PDE11A: variants seen among roughly 807,000 people sequenced by gnomAD.
PDE11A encodes the protein dual 3',5'-cyclic-AMP and -GMP phosphodiesterase 11A.
PDE11A carries 100 observed loss-of-function variants against 100.5 expected under a neutral mutation model. The observed-to-expected ratio is 1.00, with a 90% CI of 0.85 to 1.18. The LOEUF is 1.18. Among genes scored for constraint, PDE11A ranks in the 50% most tolerant of loss-of-function variants. PDE11A has a pLI of 0.00. For missense variants in PDE11A, 1,141 were observed against 1,152.6 expected, an observed-to-expected ratio of 0.99 and a Z score of 0.15; for synonymous variants, 381 against 420.8, an observed-to-expected ratio of 0.91 and a Z score of 1.16.
intron 1 of PDE11A, among the ~76,000 whole-genome samples, chr2:178,046,262 A>C (rs1205895490): frequency 1.3e-5 from 2 of 152,306 alleles, no homozygotes; most frequent in East Asian, 3.9e-4. Flanking sequence ...GTGTTAATTG[A>C]AAAATGAATT....
intron 2 of PDE11A, among the ~76,000 whole-genome samples, chr2:177,986,439 C>T (rs906338751): frequency 2.6e-5 from 4 of 152,194 alleles, no homozygotes; most frequent in Admixed American, 1.3e-4. Context: ...CTCTTAGACA[C>T]AATATCCATA....
At chr2:177,945,429 G>T (rs1320913528) in intron 2 of PDE11A, among the ~76,000 whole-genome samples, 1 of 140,182 alleles carries the variant, frequency 7.1e-6, no homozygotes, top group Non-Finnish European at 1.6e-5. Flanking sequence ...GTCTCTGCCC[G>T]GCCGCCCATC....
chr2:177,764,037 C>A (rs1324856590), intron 10 of PDE11A, among the ~76,000 whole-genome samples: 1 of 152,210 alleles, frequency 6.6e-6, no homozygotes, highest in Non-Finnish European at 1.5e-5. Flanking sequence ...TACACTATTT[C>A]ATGGATTAAA....
chr2:177,873,755 T>C (rs962799945), intron 5 of PDE11A, among the ~76,000 whole-genome samples: 6 of 152,224 alleles, frequency 3.9e-5, no homozygotes, highest in African/African-American at 7.2e-5. Flanking sequence ...GTCCTGTAAA[T>C]GAAGTTATAT....
At chr2:177,852,177 G>A (rs1317728138) in intron 5 of PDE11A, among the ~76,000 whole-genome samples, 2 of 152,130 alleles carry the variant, frequency 1.3e-5, no homozygotes, top group Non-Finnish European at 2.9e-5. Context: ...AATGAAGAGT[G>A]TGACCATTAA....
chr2:177,945,236 C>T (rs1489594455), intron 2 of PDE11A, among the ~76,000 whole-genome samples: 9 of 149,884 alleles, frequency 6.0e-5, no homozygotes, highest in South Asian at 2.2e-4. Context: ...TCTGCCCGGC[C>T]GCCACCCCGT....
At chr2:177,829,750 C>T (rs2083281833) in intron 6 of PDE11A, among the ~76,000 whole-genome samples, 1 of 152,028 alleles carries the variant, frequency 6.6e-6, no homozygotes, top group Admixed American at 6.5e-5. Flanking sequence ...CTGTGCCCAG[C>T]CTATAATAAG....
chr2:178,020,181 C>T (rs1420562541), intron 1 of PDE11A, among the ~76,000 whole-genome samples: 1 of 152,176 alleles, frequency 6.6e-6, no homozygotes, highest in African/African-American at 2.4e-5. Context: ...CTGATGGTTG[C>T]ATATCAATGG....
At chr2:177,889,265 T>A (rs1329573319) in intron 4 of PDE11A, among the ~76,000 whole-genome samples, 1 of 152,230 alleles carries the variant, frequency 6.6e-6, no homozygotes, top group East Asian at 1.9e-4. Context: ...AACTAGGTAG[T>A]CTAACATCAG....
At chr2:177,939,441 G>A (rs1418762236) in intron 2 of PDE11A, among the ~76,000 whole-genome samples, 3 of 137,828 alleles carry the variant, frequency 2.2e-5, no homozygotes, top group East Asian at 2.3e-4. Flanking sequence ...GAGGAAGGGA[G>A]GAAGAAAGGA....
In PDE11A at chr2:177,845,314, C is replaced by T. The variant is rs1437622993; in HGVS notation, c.1368-4931G>A. ...GCAGAGGGTCTCCTCACTTCTCAGA[C>T]GGGGCGGCCGGGCAGAGTCGCTCCT... On this transcript the variant is annotated intron_variant, in intron 5 of 19. Transcript: ENST00000286063. 9.1e-5 allele frequency among the ~76,000 whole-genome samples: 13 copies of T among 143,448 alleles called. No individual in the cohort carries two copies. The East Asian group carries it at 1.5e-3, about 17-fold the overall frequency. The allele number at this position is 143,448 out of a possible 152,430, so 94.1% of individuals were successfully genotyped here. A position where few individuals can be genotyped will look rare whatever the true frequency, so the allele number is the denominator to read the frequency against.
intron 2 of PDE11A, among the ~76,000 whole-genome samples, chr2:177,913,152 T>C (rs2084906064): frequency 6.6e-6 from 1 of 152,232 alleles, no homozygotes; most frequent in Non-Finnish European, 1.5e-5. Context: ...ATAAATACTC[T>C]GTTCATGGTA....
intron 1 of PDE11A, among the ~76,000 whole-genome samples, chr2:178,042,889 C>T (rs1053299363): frequency 2.0e-5 from 3 of 152,172 alleles, no homozygotes; most frequent in African/African-American, 7.2e-5. Context: ...TGCAAAGCTG[C>T]TCTGTATTAA....
At chr2:177,833,629 T>C (rs1253176652) in intron 6 of PDE11A, among the ~76,000 whole-genome samples, 2 of 152,244 alleles carry the variant, frequency 1.3e-5, no homozygotes, top group Non-Finnish European at 2.9e-5. Flanking sequence ...CCAATATTTC[T>C]ATTTACTGAA....
chr2:178,089,927 G>T (rs2105883005), intron 2 of PDE11A, among the ~76,000 whole-genome samples: 1 of 152,314 alleles, frequency 6.6e-6, no homozygotes, highest in Admixed American at 6.5e-5. Flanking sequence ...CCTGGCCCAA[G>T]ACTTAGAGAA....
chr2:178,063,024 G>C (rs570705147), intron 1 of PDE11A, among the ~76,000 whole-genome samples: 1 of 152,210 alleles, frequency 6.6e-6, no homozygotes, highest in South Asian at 2.1e-4. Context: ...AAGTGCTTGA[G>C]CCAAATACCA....
At chr2:177,860,613 A>G (rs1271392048) in intron 5 of PDE11A, among the ~76,000 whole-genome samples, 1 of 151,900 alleles carries the variant, frequency 6.6e-6, no homozygotes, top group East Asian at 1.9e-4. Context: ...CTATGAGGGT[A>G]GCATTGCCCT....
chr2:177,871,525 AATTATTATT>A (rs142275376), intron 5 of PDE11A, among the ~76,000 whole-genome samples: 17,913 of 138,100 alleles, frequency 0.13, 1,402 homozygotes, highest in Non-Finnish European at 0.17. Context: ...GTCAGTAGTA[AATTATTATT>A]ATTATTATTA....
At chr2:178,052,678 G>A (rs79701483) in intron 1 of PDE11A, among the ~76,000 whole-genome samples, 15,192 of 151,172 alleles carry the variant, frequency 0.1, 1,034 homozygotes, top group Non-Finnish European at 0.15. Flanking sequence ...ATGATAAAGG[G>A]GATATCACCA....
Sources: allele counts gnomAD v4.1 joint callset (sites outside exome capture counted in the v4.1 genomes callset), GRCh38; gene constraint gnomAD v4.1.1; transcripts MANE v1.5; gene names NCBI Gene and HGNC (gene_info 2026-07-23, HGNC 2026-07-21).